The following ANK3 variants were observed in gnomAD, a reference collection of about 807,000 sequenced individuals.
ANK3 encodes ankyrin-3.
In ANK3, 57 loss-of-function variants were observed where a neutral mutation model predicts 370.9. That is an observed-to-expected ratio of 0.15 (90% CI 0.12 to 0.19). The LOEUF is 0.19. Among genes scored for constraint, ANK3 ranks in the 10% least tolerant of loss-of-function variants. ANK3 has a pLI of 1.00. For missense variants in ANK3, 4,439 were observed against 5,302.1 expected, an observed-to-expected ratio of 0.84 and a Z score of 5.06; for synonymous variants, 1,929 against 1,946.3, an observed-to-expected ratio of 0.99 and a Z score of 0.23.
At chr10:60,390,311 C>T (rs541165759), upstream of ANK3, among the ~76,000 whole-genome samples, 1 of 152,238 alleles carries the variant, frequency 6.6e-6, no homozygotes, top group Non-Finnish European at 1.5e-5. Flanking sequence ...TACAACACAT[C>T]ATACAGAAAG....
chr10:60,489,471 A>C (rs1472029626), intron 2 of ANK3, among the ~76,000 whole-genome samples: 2 of 152,216 alleles, frequency 1.3e-5, no homozygotes, highest in East Asian at 3.8e-4. Context: ...AAAGCAGAAA[A>C]ATATAGAAAA....
intron 2 of ANK3, among the ~76,000 whole-genome samples, chr10:60,465,962 A>G (rs1027689220): frequency 2.0e-5 from 3 of 152,050 alleles, no homozygotes; most frequent in Non-Finnish European, 4.4e-5. Flanking sequence ...CCTTTATTTT[A>G]TAGAGGCATT....
At position 60,055,745 on chromosome 10, in the gene ANK3, C is replaced by T; in HGVS notation, c.12978G>A (p.Met4326Ile). The T allele has an allele frequency of 1.2e-6, 2 of 1,614,198 alleles. No individual in the cohort carries two copies. Among genetic ancestry groups the T allele is most frequent in the Non-Finnish European group, 1.7e-6 (2 of 1,180,032 alleles). The change falls in exon 42 of 44, where the codon ATG becomes ATA. Residue 4326 changes from methionine to isoleucine, a missense_variant. By Grantham distance (10) the Met-to-Ile change is conservative. This residue lies in a region of ANK3 where 242 missense variants were observed against 228.0 expected (regional missense o/e 1.06). Transcript: ENST00000280772. ...EETKPCVPVS[M>I]KKMSRTSPAD... The stretch of plus-strand genomic sequence containing the variant: ...CTGGAGAAGTCCTACTCATCTTTTT[C>T]ATACTGACAGGCACACAGGGTTTAG...
In ANK3 at chr10:60,199,303, C is replaced by T. The variant is rs10821700; in HGVS notation, c.1492-766G>A. 3.1e-3 allele frequency among the ~76,000 whole-genome samples: 467 copies of T among 151,932 alleles called. 3 individuals carry two copies. Among genetic ancestry groups the T allele is most frequent in the African/African-American group, 0.01 (430 of 41,416 alleles). ...GGTTTAAGTAGGAAAGGTAGAGAAA[C>T]GAGGCTAGAATAGAGGACACCATTT... On this transcript the variant is annotated intron_variant, in intron 13 of 43. Transcript: ENST00000280772.
At chr10:60,421,975 T>A (rs1046304378) in intron 2 of ANK3, among the ~76,000 whole-genome samples, 1 of 152,082 alleles carries the variant, frequency 6.6e-6, no homozygotes, top group African/African-American at 2.4e-5. Context: ...AAACTAAGGG[T>A]ATAAAAATTT....
intron 16 of ANK3, among the ~76,000 whole-genome samples, chr10:60,191,115 C>G (rs1234589948): frequency 6.6e-6 from 1 of 152,108 alleles, no homozygotes; most frequent in Non-Finnish European, 1.5e-5. Context: ...AATGTAATAC[C>G]TGAAATCATA....
chr10:60,510,807 A>G (rs2076059979), intron 2 of ANK3, among the ~76,000 whole-genome samples: 1 of 152,148 alleles, frequency 6.6e-6, no homozygotes, highest in South Asian at 2.1e-4. Flanking sequence ...GCGACAGAGA[A>G]AGACTCTGTC....
intron 8 of ANK3, among the ~76,000 whole-genome samples, chr10:60,227,823 G>A (rs142964471): frequency 6.6e-6 from 1 of 151,956 alleles, no homozygotes; most frequent in Non-Finnish European, 1.5e-5. Flanking sequence ...ATTTATCTTA[G>A]TTATTTTAAA....
chr10:60,653,861 G>A (rs540710800), intron 1 of ANK3, among the ~76,000 whole-genome samples: 3 of 152,252 alleles, frequency 2.0e-5, no homozygotes, highest in East Asian at 1.9e-4. Flanking sequence ...GAGCAAGAAC[G>A]TGTATCAAAA....
Position 60,196,508 on chromosome 10 carries a change from G to A in ANK3, c.1788+19C>T, listed in dbSNP as rs1480203925. 3 of 1,548,252 alleles carry A rather than the reference G, an allele frequency of 1.9e-6. No homozygotes were observed. The highest frequency in any genetic ancestry group is 1.4e-5 in the African/African-American group (1 of 72,872). On this transcript the variant is annotated intron_variant, in intron 15 of 43. Transcript: ENST00000280772. ...TATCGTGGAAGTGGCCTGCTTCAGGGTGGCTGGTGACCTCTTACCTTCCCA... is the reference window on the plus strand; with the variant it reads ...TATCGTGGAAGTGGCCTGCTTCAGGATGGCTGGTGACCTCTTACCTTCCCA...
chr10:60,671,018 A>T (rs1246470857), intron 1 of ANK3, among the ~76,000 whole-genome samples: 2 of 152,220 alleles, frequency 1.3e-5, no homozygotes, highest in Non-Finnish European at 2.9e-5. Flanking sequence ...TTGAATAAAT[A>T]AGTAAATCAA....
At chr10:60,382,285 C>T (rs1235037588) in intron 1 of ANK3, among the ~76,000 whole-genome samples, 1 of 152,062 alleles carries the variant, frequency 6.6e-6, no homozygotes, top group Non-Finnish European at 1.5e-5. Context: ...TATTAGTAGA[C>T]TTTTTTTCTT....
At chr10:60,572,680 G>A (rs2077628195) in intron 2 of ANK3, 4 of 1,428,440 alleles carry the variant, frequency 2.8e-6, no homozygotes, top group Non-Finnish European at 3.6e-6. Flanking sequence ...AGCCCCTGCT[G>A]CTGTCAGAGA....
chr10:60,414,753 A>C (rs2063626882), intron 2 of ANK3, among the ~76,000 whole-genome samples: 1 of 152,134 alleles, frequency 6.6e-6, no homozygotes, highest in South Asian at 2.1e-4. Flanking sequence ...TTTTGGCTGA[A>C]GTCATAAAAA....
chr10:60,123,663 G>A (rs1044387435), intron 25 of ANK3, among the ~76,000 whole-genome samples: 11 of 152,190 alleles, frequency 7.2e-5, no homozygotes, highest in Non-Finnish European at 1.5e-4. Context: ...GGGTGAAGGT[G>A]GTCTTGCAAA....
At chr10:60,548,841 C>T (rs1002912529) in intron 2 of ANK3, among the ~76,000 whole-genome samples, 1 of 152,080 alleles carries the variant, frequency 6.6e-6, no homozygotes, top group African/African-American at 2.4e-5. Context: ...AGACATCATG[C>T]TATCCCACTA....
chr10:60,212,089 T>C (rs2096866261), intron 9 of ANK3, among the ~76,000 whole-genome samples: 1 of 151,582 alleles, frequency 6.6e-6, no homozygotes, highest in Non-Finnish European at 1.5e-5. Flanking sequence ...TTCTTGAAAA[T>C]TAAAAGATTG....
chr10:60,551,376 T>C (rs1019576715), intron 2 of ANK3, among the ~76,000 whole-genome samples: 2 of 152,186 alleles, frequency 1.3e-5, no homozygotes, highest in Admixed American at 6.6e-5. Context: ...CATTCAATTA[T>C]GTTTCTACTT....
chr10:60,397,520 A>G (rs2063267210), intron 2 of ANK3, among the ~76,000 whole-genome samples: 1 of 152,196 alleles, frequency 6.6e-6, no homozygotes, highest in Non-Finnish European at 1.5e-5. Context: ...GAACAAAAAC[A>G]TTAACACGCA....
Sources: gnomAD v4.1 joint callset for allele counts (sites outside exome capture counted in the v4.1 genomes callset) on GRCh38, gnomAD v4.1.1 for gene constraint, gnomAD v4.1.1 regional missense constraint, MANE v1.5 for transcripts, NCBI Gene and HGNC (gene_info 2026-07-23, HGNC 2026-07-21) for gene names.